The following SERPINB2 variants were observed in gnomAD, a reference collection of about 807,000 sequenced individuals.
The protein encoded by SERPINB2 is serpin family B member 2.
In SERPINB2, 28 loss-of-function variants were observed where a neutral mutation model predicts 39.4. The ratio of observed to expected loss-of-function variants is 0.71; its 90% confidence interval spans 0.53 to 0.97. The LOEUF (loss-of-function observed/expected upper bound fraction) is 0.97. Ranked by LOEUF, SERPINB2 falls within the 50% of genes least tolerant of loss-of-function variation. SERPINB2 has a pLI of 0.00. For synonymous variants in SERPINB2, 209 were observed against 175.1 expected, an observed-to-expected ratio of 1.19 and a Z score of -1.53; for missense variants, 557 against 505.3, an observed-to-expected ratio of 1.10 and a Z score of -0.98.
At chr18:63,902,261 G>A (rs2049996544) in intron 6 of SERPINB2, 143 bp from the exon 7 acceptor site, 2 of 681,416 alleles carry the variant, frequency 2.9e-6, no homozygotes, top group African/African-American at 1.8e-5. Context: ...CCACTGTAAG[G>A]ATGTACAAAT....
At chr18:63,902,310 A>G in intron 6 of SERPINB2, 94 bp from the exon 7 acceptor site, 1 of 1,134,974 alleles carries the variant, frequency 8.8e-7, no homozygotes, top group South Asian at 1.9e-5. Flanking sequence ...CATTTATCCT[A>G]CACTAAAGTA....
intron 3 of SERPINB2, among the ~76,000 whole-genome samples, chr18:63,895,895 A>G (rs1335490445): frequency 6.6e-6 from 1 of 151,694 alleles, no homozygotes; most frequent in East Asian, 1.9e-4. Context: ...CTATCTATCT[A>G]TATATTTTAT....
In SERPINB2 at chr18:63,902,523, G is replaced by A. The variant is rs1156793661; in HGVS notation, c.798G>A (p.Leu266=). The A allele has an allele frequency of 1.9e-6, 3 of 1,613,438 alleles. No homozygotes were observed. Among genetic ancestry groups the A allele is most frequent in the Non-Finnish European group, 2.5e-6 (3 of 1,179,664 alleles). ...LPYAGDVSMF[L]LLPDEIADVS... is the part of the protein sequence containing the mutation. ...ATGCTGGAGATGTTAGCATGTTCTT[G>A]TTGCTTCCAGATGAAATTGCCGATG... Residue 266 remains leucine (L), a synonymous_variant, in exon 7 of 8, where the codon TTG becomes TTA. Transcript: ENST00000299502.
intron 6 of SERPINB2, 76 bp downstream of exon 6, chr18:63,901,958 A>C (rs2049994382): frequency 7.3e-7 from 1 of 1,372,062 alleles, no homozygotes; most frequent in Non-Finnish European, 9.9e-7. Context: ...AAAATTAGAG[A>C]CCGCTCATTA....
chr18:63,893,650 T>G (rs2144697917), intron 2 of SERPINB2, among the ~76,000 whole-genome samples: 1 of 152,352 alleles, frequency 6.6e-6, no homozygotes, highest in Non-Finnish European at 1.5e-5. Context: ...TGAAACCATT[T>G]GCATCTCAGT....
At chr18:63,889,439 A>T (rs941204034) in intron 1 of SERPINB2, among the ~76,000 whole-genome samples, 1 of 152,158 alleles carries the variant, frequency 6.6e-6, no homozygotes, top group Non-Finnish European at 1.5e-5. Context: ...TTTTACTATC[A>T]AAGTTACTAT....
chr18:63,894,320 T>C (rs2049945369), intron 2 of SERPINB2, among the ~76,000 whole-genome samples: 1 of 152,162 alleles, frequency 6.6e-6, no homozygotes, highest in African/African-American at 2.4e-5. Flanking sequence ...ACTTACGATG[T>C]ATGACTCAAA....
At chr18:63,902,739 C>A (rs934093829) in intron 7 of SERPINB2, among the ~76,000 whole-genome samples, 162 bp from the exon 8 acceptor site, 1 of 152,134 alleles carries the variant, frequency 6.6e-6, no homozygotes, top group Admixed American at 6.6e-5. Context: ...CTATGTCATA[C>A]GTGTTACCTT....
intron 1 of SERPINB2, 49 bp from the exon 2 acceptor site, chr18:63,891,387 G>C: frequency 6.3e-7 from 1 of 1,599,332 alleles, no homozygotes; most frequent in Non-Finnish European, 8.5e-7. Flanking sequence ...CACCCAAAAT[G>C]TTACCTTATG....
At position 63,903,003 on chromosome 18, in the gene SERPINB2, G is replaced by C; in HGVS notation, c.946G>C (p.Glu316Gln). The C allele has an allele frequency of 1.2e-6, 2 of 1,613,820 alleles. No homozygotes were observed. The highest frequency in any genetic ancestry group is 1.7e-6 in the Non-Finnish European group (2 of 1,179,812). ...EVYIPQFKLE[E>Q]HYELRSILRS... ...ATACATACCCCAGTTCAAATTAGAAGAGCATTATGAACTCAGATCCATTCT... is the reference window on the plus strand; with the variant it reads ...ATACATACCCCAGTTCAAATTAGAACAGCATTATGAACTCAGATCCATTCT... The change falls in exon 8 of 8, where the codon GAG becomes CAG. Residue 316 changes from glutamate to glutamine, a missense_variant. Coordinates refer to ENST00000299502, the MANE Select transcript of SERPINB2 (RefSeq NM_002575.3).
chr18:63,903,194 G>A lies in SERPINB2; in HGVS notation c.1137G>A (p.Gly379=), dbSNP rs1465064686. 1.9e-6 allele frequency: 3 copies of A among 1,613,598 alleles called. No homozygotes were observed. Among genetic ancestry groups the A allele is most frequent in the Non-Finnish European group, 2.5e-6 (3 of 1,179,702 alleles). Residue 379 remains glycine (G), a synonymous_variant, in exon 8 of 8, where the codon GGG becomes GGA. Transcript: ENST00000299502. ...AAAGTGGVMT[G]RTGHGGPQFV... ...CTGGCACAGGAGGTGTTATGACAGG[G>A]AGAACTGGACATGGAGGCCCACAGT...
At position 63,897,265 on chromosome 18, in the gene SERPINB2, T is replaced by G. The variant is rs779844137; in HGVS notation, c.417+46T>G. On this transcript the variant is annotated intron_variant, in intron 4 of 7. Transcript: ENST00000299502. The stretch of plus-strand genomic sequence containing the variant: ...AAATGGCTGGATCCCAAACAAGTAA[T>G]GAAGTCACTTTCAAAGCAGTTCTCT... 5.1e-5 allele frequency: 81 copies of G among 1,589,978 alleles called. No homozygotes were observed. In the South Asian group the frequency reaches 9.0e-4, roughly 18 times the overall value.
At chr18:63,901,298 A>AT (rs1056632203) in intron 5 of SERPINB2, among the ~76,000 whole-genome samples, 2 of 152,106 alleles carry the variant, frequency 1.3e-5, no homozygotes, top group Non-Finnish European at 2.9e-5. Flanking sequence ...GGTCTAGTAT[A>AT]TTTTTTACAA....
intron 5 of SERPINB2, among the ~76,000 whole-genome samples, chr18:63,898,304 G>A (rs1223527362): frequency 2.0e-5 from 3 of 152,128 alleles, no homozygotes; most frequent in South Asian, 4.1e-4. Flanking sequence ...CCAATCCATT[G>A]TCAAGTTTTT....
chr18:63,894,360 A>G (rs543190046), intron 2 of SERPINB2, among the ~76,000 whole-genome samples: 1 of 152,096 alleles, frequency 6.6e-6, no homozygotes, highest in East Asian at 1.9e-4. Flanking sequence ...AAACCCTAAC[A>G]CCTCTCCTTC....
At chr18:63,890,432 T>C (rs530283590) in intron 1 of SERPINB2, 1 of 152,272 alleles carries the variant, frequency 6.6e-6, no homozygotes, top group South Asian at 2.1e-4. Flanking sequence ...GTTTGGTATA[T>C]TTACATATTT....
rs1417939568 is a variant in SERPINB2 at position 63,903,522 on chromosome 18, C to A, written c.*217C>A. Reference sequence around the variant, plus strand: ...ATCATTTGGTCTTCTAAAATGGGATCATGCCCATTTAGATTTTCCTTACTA... The same window carrying A: ...ATCATTTGGTCTTCTAAAATGGGATAATGCCCATTTAGATTTTCCTTACTA... On this transcript the variant is annotated 3_prime_UTR_variant, in exon 8 of 8. Transcript: ENST00000299502. 8.4e-6 allele frequency: 3 copies of A among 355,756 alleles called. No individual in the cohort carries two copies. Among genetic ancestry groups the A allele is most frequent in the Non-Finnish European group, 1.5e-5 (3 of 204,254 alleles). The allele number at this position is 355,756 out of a possible 1,614,324, so 22.0% of individuals were successfully genotyped here. A position where few individuals can be genotyped will look rare whatever the true frequency, so the allele number is the denominator to read the frequency against.
rs2049992377 is a variant in SERPINB2 at position 63,901,766 on chromosome 18, G to A, written c.562G>A (p.Gly188Ser). The A allele has an allele frequency of 6.4e-7, 1 of 1,563,412 alleles. No individual in the cohort carries two copies. Among genetic ancestry groups the A allele is most frequent in the Non-Finnish European group, 8.6e-7 (1 of 1,165,316 alleles). ...KGKIPNLLPE[G>S]SVDGDTRMVL... The stretch of plus-strand genomic sequence containing the variant: ...CAAAATCCCAAACTTGTTACCTGAA[G>A]GTTCTGTAGATGGGGATACCAGGAT... Residue 188 changes from glycine to serine, a missense_variant, in exon 6 of 8, where the codon GGT (glycine) becomes AGT (serine). By Grantham distance (56) the Gly-to-Ser change is moderately conservative (BLOSUM62 0). Coordinates refer to ENST00000299502, the MANE Select transcript of SERPINB2 (RefSeq NM_002575.3).
At position 63,896,455 on chromosome 18, in the gene SERPINB2, G is replaced by A. The variant is rs534488939; in HGVS notation, c.289-636G>A. On this transcript the variant is annotated intron_variant, in intron 3 of 7. Coordinates refer to ENST00000299502, the MANE Select transcript of SERPINB2 (RefSeq NM_002575.3). ...TGAACTTTGTAAGATCATTACTAAG[G>A]CAACATTTCCTCCCTGCCAGCTTTA... Among the ~76,000 whole-genome samples the A allele has an allele frequency of 1.6e-4, 25 of 152,180 alleles. No homozygotes were observed. In the South Asian group the frequency reaches 4.8e-3, roughly 29 times the overall value.
Sources: gnomAD v4.1 joint callset for allele counts (sites outside exome capture counted in the v4.1 genomes callset) on GRCh38, gnomAD v4.1.1 for gene constraint, MANE v1.5 for transcripts, NCBI Gene and HGNC (gene_info 2026-07-23, HGNC 2026-07-21) for gene names.